The following TLE6 variants were observed in gnomAD, a reference collection of about 807,000 sequenced individuals.
The protein encoded by TLE6 is transducin-like enhancer protein 6.
In TLE6, 72 loss-of-function variants were observed where a neutral mutation model predicts 77.1. The observed-to-expected ratio is 0.93, with a 90% CI of 0.77 to 1.14. TLE6 has a LOEUF of 1.14. TLE6 is among the 50% of genes most tolerant of loss of function. The pLI, the probability that TLE6 is intolerant of heterozygous loss-of-function variation, is 0.00. For synonymous variants in TLE6, 366 were observed against 287.3 expected, an observed-to-expected ratio of 1.27 and a Z score of -2.77; for missense variants, 843 against 747.6, an observed-to-expected ratio of 1.13 and a Z score of -1.49.
At chr19:2,988,173 G>A (rs376467147) in intron 11 of TLE6, 45 bp downstream of exon 11, 12 of 1,539,846 alleles carry the variant, frequency 7.8e-6, no homozygotes, top group Non-Finnish European at 1.1e-5. Flanking sequence ...GAGGGGCAGC[G>A]GGAATTCCTT....
Position 2,987,059 on chromosome 19 carries a change from A to C in TLE6, c.362A>C (p.Glu121Ala), listed in dbSNP as rs2098760164. The C allele has an allele frequency of 6.2e-6, 10 of 1,614,006 alleles. No individual in the cohort carries two copies. The highest frequency in any genetic ancestry group is 8.5e-6 in the Non-Finnish European group (10 of 1,180,012). Residue 121 changes from glutamate (E) to alanine (A), a missense_variant, in exon 7 of 17, where the codon GAG becomes GCG. Glu to Ala is a moderately radical substitution (Grantham distance 107). Transcript: ENST00000246112. The part of the protein sequence containing the change: ...KDKTLQESSF[E>A]DIMATRSSDW... ...AAGACCCTGCAGGAGTCGAGCTTTG[A>C]GGACATCATGGCCACCAGGTCCTCC...
At chr19:2,978,165 CCCT>C (rs917030493) in intron 1 of TLE6, 30 bp from the exon 2 acceptor site, 3 of 1,497,796 alleles carry the variant, frequency 2.0e-6, no homozygotes, top group Non-Finnish European at 2.7e-6. Flanking sequence ...TATTTTCTGT[CCCT>C]CAAGACCTGC....
intron 3 of TLE6, 156 bp downstream of exon 3, chr19:2,980,338 C>A: frequency 4.0e-6 from 2 of 503,660 alleles, no homozygotes; most frequent in Non-Finnish European, 7.1e-6. Context: ...GAGAACCCGG[C>A]AATACCCATC....
intron 5 of TLE6, among the ~76,000 whole-genome samples, chr19:2,983,187 C>T (rs2088834402): frequency 6.6e-6 from 1 of 152,128 alleles, no homozygotes; most frequent in Admixed American, 6.6e-5. Context: ...GGCCAGGAAG[C>T]AACCAAAACA....
intron 5 of TLE6, among the ~76,000 whole-genome samples, chr19:2,983,753 GGACA>G: frequency 6.6e-6 from 1 of 152,122 alleles, no homozygotes; most frequent in Admixed American, 6.6e-5. Flanking sequence ...ACTGCGGAGA[GGACA>G]GAGAAGAAGG....
At position 2,986,967 on chromosome 19, in the gene TLE6, G is replaced by C; in HGVS notation, c.286-16G>C. ...TCATCCTCAAAGCTCTCACTGCCTT[G>C]TTCCTGCCGGGCCAGGTCTCACCTG... is the stretch of plus-strand genomic sequence containing the variant. On this transcript the variant is annotated splice_polypyrimidine_tract_variant and intron_variant, in intron 6 of 16. Transcript: ENST00000246112. 6.3e-7 allele frequency: 1 copy of C among 1,589,854 alleles called. No homozygotes were observed. Among genetic ancestry groups the C allele is most frequent in the Non-Finnish European group, 8.6e-7 (1 of 1,168,188 alleles).
At position 2,987,756 on chromosome 19, in the gene TLE6, C is replaced by T; in HGVS notation, c.591C>T (p.Asp197=). 6.2e-7 allele frequency: 1 copy of T among 1,614,164 alleles called. No homozygotes were observed. The highest frequency in any genetic ancestry group is 8.5e-7 in the Non-Finnish European group (1 of 1,180,018). Residue 197 remains aspartate (D), a synonymous_variant, in exon 9 of 17, where the codon GAC becomes GAT. Transcript: ENST00000246112. ...AAAGCAAGGCACCAGGATCCTGTGA[C>T]CCAGGAACAGACCCATGTCCTGAAG... ...GQESKAPGSC[D]PGTDPCPEDA...
At chr19:2,990,225 A>G (rs1327413091) in intron 13 of TLE6, among the ~76,000 whole-genome samples, 2 of 152,074 alleles carry the variant, frequency 1.3e-5, no homozygotes, top group African/African-American at 4.8e-5. Flanking sequence ...GAATAAAACG[A>G]ATTTATTCTA....
At chr19:2,983,156 G>A (rs949564005) in intron 5 of TLE6, among the ~76,000 whole-genome samples, 5 of 152,206 alleles carry the variant, frequency 3.3e-5, no homozygotes, top group African/African-American at 1.2e-4. Flanking sequence ...GGGGGGCAGC[G>A]AAGGGAACAG....
Position 2,995,051 on chromosome 19 carries a change from C to A in TLE6, c.*47C>A. 1 of 1,113,344 alleles carries A rather than the reference C, an allele frequency of 9.0e-7. No homozygotes were observed. Among genetic ancestry groups the A allele is most frequent in the Non-Finnish European group, 1.3e-6 (1 of 784,526 alleles). 69.0% of individuals were successfully genotyped at this position (1,113,344 alleles called of 1,614,324 possible). On this transcript the variant is annotated 3_prime_UTR_variant, in exon 17 of 17. Transcript: ENST00000246112. ...CACTCCGGCTCCTCTTTTCATCCCC[C>A]CCCTTCCCCCCCCCCAACAAGGGGG...
At position 2,990,098 on chromosome 19, in the gene TLE6, G is replaced by T. The variant is rs111550383; in HGVS notation, c.1244+313G>T. Reference sequence around the variant, plus strand: ...AGGCTTGTTAGAGGGCAAATTTGTTGTAAAAATATAAAACAGCAGGCCAGG... The same window carrying T: ...AGGCTTGTTAGAGGGCAAATTTGTTTTAAAAATATAAAACAGCAGGCCAGG... On this transcript the variant is annotated intron_variant, in intron 13 of 16. Coordinates refer to ENST00000246112, the MANE Select transcript of TLE6 (RefSeq NM_001143986.2). Among the ~76,000 whole-genome samples, 202 of 152,222 alleles carry T rather than the reference G, an allele frequency of 1.3e-3. 1 individual carries two copies. Among genetic ancestry groups the T allele is most frequent in the African/African-American group, 4.6e-3 (191 of 41,548 alleles).
At position 2,995,056 on chromosome 19, in the gene TLE6, TCCCC is replaced by T. The variant is rs141348286; in HGVS notation, c.*59_*62del. ...CGGCTCCTCTTTTCATCCCCCCCCT[TCCCC>T]CCCCCCAACAAGGGGGACATGGTGG... On this transcript the variant is annotated 3_prime_UTR_variant, in exon 17 of 17. Coordinates refer to ENST00000246112, the MANE Select transcript of TLE6 (RefSeq NM_001143986.2). 24 of 828,058 alleles carry T rather than the reference TCCCC, an allele frequency of 2.9e-5. No homozygotes were observed. The Admixed American group carries it at 4.7e-4, about 16-fold the overall frequency. The allele number at this position is 828,058 out of a possible 1,614,324, so 51.3% of individuals were successfully genotyped here. A position where few individuals can be genotyped will look rare whatever the true frequency, so the allele number is the denominator to read the frequency against.
chr19:2,987,369 C>G lies in TLE6; in HGVS notation c.555C>G (p.Gly185=), dbSNP rs762388732. The change falls in exon 8 of 17, where the codon GGC becomes GGG. Residue 185 remains glycine, a synonymous_variant. Coordinates refer to ENST00000246112, the MANE Select transcript of TLE6 (RefSeq NM_001143986.2). ...TCATGGTGACAGAGCAGGCACCAGG[C>G]CTGGTGAGTAAACAACCTCAGCTCT... ...AKPRDRQQAP[G]LGQESKAPGS... 1 of 1,613,896 alleles carries G rather than the reference C, an allele frequency of 6.2e-7. No homozygotes were observed. Among genetic ancestry groups the G allele is most frequent in the Non-Finnish European group, 8.5e-7 (1 of 1,180,024 alleles).
chr19:2,979,496 C>G (rs552918533), intron 2 of TLE6, among the ~76,000 whole-genome samples: 10 of 151,926 alleles, frequency 6.6e-5, no homozygotes, highest in Non-Finnish European at 1.5e-4. Context: ...TTCTGCTCAC[C>G]TCGGCCTCCC....
chr19:2,990,941 G>C (rs1329110566), intron 13 of TLE6, among the ~76,000 whole-genome samples: 1 of 150,834 alleles, frequency 6.6e-6, no homozygotes, highest in South Asian at 2.1e-4. Context: ...TTTGTGGTGA[G>C]CCAAGATGGT....
At chr19:2,981,396 T>C (rs2088795189) in intron 3 of TLE6, 142 bp from the exon 4 acceptor site, 1 of 753,774 alleles carries the variant, frequency 1.3e-6, no homozygotes, top group Admixed American at 2.7e-5. Context: ...ACTGAACTTC[T>C]TGACACTGCC....
At position 2,989,056 on chromosome 19, in the gene TLE6, C is replaced by T. The variant is rs2088979618; in HGVS notation, c.741-5C>T. 6.2e-7 allele frequency: 1 copy of T among 1,611,314 alleles called. No homozygotes were observed. On this transcript the variant is annotated splice_polypyrimidine_tract_variant and splice_region_variant and intron_variant, in intron 11 of 16. Coordinates refer to ENST00000246112, the MANE Select transcript of TLE6 (RefSeq NM_001143986.2). ...GTCAGTTACCCCAAGGCCTCCCCTC[C>T]CAAGATCCTGGGACCCTGAGGACTT...
Position 2,989,683 on chromosome 19 carries a change from A to G in TLE6, c.1142A>G (p.Asn381Ser), listed in dbSNP as rs779336079. The change falls in exon 13 of 17, where the codon AAC becomes AGC. Residue 381 changes from asparagine to serine, a missense_variant. Physicochemically the swap from Asn to Ser is conservative, Grantham distance 46. Coordinates refer to ENST00000246112, the MANE Select transcript of TLE6 (RefSeq NM_001143986.2). ...GAGCAGTTGCCCTGTGCAGGTCTCA[A>G]CTGCCAGGCCCTGGATGCCAACCTG... The part of the protein sequence containing the change: ...VKEQLPCAGL[N>S]CQALDANLDA... The G allele has an allele frequency of 2.3e-5, 37 of 1,614,070 alleles. No individual in the cohort carries two copies. The highest frequency in any genetic ancestry group is 3.0e-5 in the Non-Finnish European group (35 of 1,180,018).
chr19:2,983,391 CCAGGGTGGGCGAGGGTTGCAATT>C (rs1179518882), intron 5 of TLE6, among the ~76,000 whole-genome samples: 1 of 151,782 alleles, frequency 6.6e-6, no homozygotes, highest in Non-Finnish European at 1.5e-5. Flanking sequence ...ATTGGGGAGG[CCAGGGTGGGCGAGGGTTGCAATT>C]CAGGGTGGTC....
Sources: gnomAD v4.1 joint callset for allele counts (sites outside exome capture counted in the v4.1 genomes callset) on GRCh38, gnomAD v4.1.1 for gene constraint, MANE v1.5 for transcripts, NCBI Gene and HGNC (gene_info 2026-07-23, HGNC 2026-07-21) for gene names.